Variants in CDK5RAP2 observed in about 807,000 individuals in gnomAD.
The protein encoded by CDK5RAP2 is CDK5 regulatory subunit associated protein 2, also known as CDK5 regulatory subunit-associated protein 2.
Under a neutral mutation model 232.9 loss-of-function variants are expected in CDK5RAP2, and 147 were observed. That is an observed-to-expected ratio of 0.63 (90% CI 0.55 to 0.72). The LOEUF is 0.72. Among genes scored for constraint, CDK5RAP2 ranks in the 30% least tolerant of loss-of-function variants. The pLI is 0.00. For missense variants in CDK5RAP2, 2,195 were observed against 2,231.5 expected, an observed-to-expected ratio of 0.98 and a Z score of 0.33; for synonymous variants, 833 against 833.7, an observed-to-expected ratio of 1.00 and a Z score of 0.01.
chr9:120,489,876 C>T lies in CDK5RAP2; in HGVS notation c.1482+1431G>A, dbSNP rs113353218. 2.4e-3 allele frequency among the ~76,000 whole-genome samples: 361 copies of T among 150,826 alleles called. 3 individuals are homozygous for T. The highest frequency in any genetic ancestry group is 7.8e-3 in the African/African-American group (318 of 40,930). ...AAGCTGGAGTGCAGTGGCACAATCTCGGCTCACCGCAACCTCTGCCTCCCG... is the reference window on the plus strand; with the variant it reads ...AAGCTGGAGTGCAGTGGCACAATCTTGGCTCACCGCAACCTCTGCCTCCCG... On this transcript the variant is annotated intron_variant, in intron 13 of 37. Coordinates refer to ENST00000349780, the MANE Select transcript of CDK5RAP2 (RefSeq NM_018249.6).
At chr9:120,545,435 G>C (rs571562419) in intron 5 of CDK5RAP2, among the ~76,000 whole-genome samples, 1 of 152,184 alleles carries the variant, frequency 6.6e-6, no homozygotes, top group Non-Finnish European at 1.5e-5. Flanking sequence ...GGGCTTCTGG[G>C]GGGCTGGCAT....
intron 9 of CDK5RAP2, among the ~76,000 whole-genome samples, chr9:120,528,413 C>T (rs2041001426): frequency 1.3e-5 from 2 of 152,200 alleles, no homozygotes; most frequent in Non-Finnish European, 2.9e-5. Flanking sequence ...GCAGGCACCA[C>T]ACAAATGCCT....
intron 3 of CDK5RAP2, 119 bp from the exon 4 acceptor site, chr9:120,551,021 C>T (rs1005217007): frequency 1.4e-5 from 10 of 705,120 alleles, no homozygotes; most frequent in Non-Finnish European, 2.3e-5. Context: ...ATGTTAAATA[C>T]TAGAGAAAGC....
At chr9:120,404,421 C>T (rs1390530688) in intron 32 of CDK5RAP2, among the ~76,000 whole-genome samples, 1 of 152,194 alleles carries the variant, frequency 6.6e-6, no homozygotes, top group Non-Finnish European at 1.5e-5. Context: ...AGGGGCACTA[C>T]CCCCAACTTG....
Position 120,467,866 on chromosome 9 carries a change from T to C in CDK5RAP2, c.2100A>G (p.Gln700=). Residue 700 remains glutamine, a synonymous_variant, in exon 18 of 38, where the codon CAA becomes CAG. Transcript: ENST00000349780. ...GFPDRLASTE[Q]TELLASKEDE... ...CAACAAAAATGTTTCTTACCTCTGTTTGTTCTGTAGACGCAAGTCTATCTG... is the reference window on the plus strand; with the variant it reads ...CAACAAAAATGTTTCTTACCTCTGTCTGTTCTGTAGACGCAAGTCTATCTG... 6.2e-7 allele frequency: 1 copy of C among 1,614,182 alleles called. No individual in the cohort carries two copies. The highest frequency in any genetic ancestry group is 8.5e-7 in the Non-Finnish European group (1 of 1,180,008).
intron 12 of CDK5RAP2, among the ~76,000 whole-genome samples, chr9:120,499,506 G>A (rs557564130): frequency 3.9e-5 from 6 of 152,150 alleles, no homozygotes; most frequent in Non-Finnish European, 7.4e-5. Flanking sequence ...ACACTAAGCA[G>A]ACACTACATT....
chr9:120,450,332 C>G (rs1447153951), intron 21 of CDK5RAP2, among the ~76,000 whole-genome samples: 1 of 152,060 alleles, frequency 6.6e-6, no homozygotes, highest in Non-Finnish European at 1.5e-5. Flanking sequence ...AAAGTAGATT[C>G]GTGGTTGCCT....
chr9:120,475,959 G>A (rs1446881780), intron 15 of CDK5RAP2, among the ~76,000 whole-genome samples: 2 of 152,150 alleles, frequency 1.3e-5, no homozygotes, highest in Non-Finnish European at 2.9e-5. Context: ...ACACAGAGAG[G>A]CAACTGTTTT....
At chr9:120,547,009 G>A (rs1262753065) in intron 4 of CDK5RAP2, among the ~76,000 whole-genome samples, 1 of 149,466 alleles carries the variant, frequency 6.7e-6, no homozygotes, top group Non-Finnish European at 1.5e-5. Flanking sequence ...TTTTTGAGAT[G>A]AAATCTTGCT....
intron 6 of CDK5RAP2, 106 bp from the exon 7 acceptor site, chr9:120,536,632 C>T (rs776992444): frequency 7.8e-5 from 84 of 1,071,204 alleles, no homozygotes; most frequent in Admixed American, 2.6e-4. Flanking sequence ...TTCTCCAGCA[C>T]ATTTCCCCTC....
At chr9:120,500,016 G>C (rs771188056) in intron 12 of CDK5RAP2, among the ~76,000 whole-genome samples, 1 of 152,118 alleles carries the variant, frequency 6.6e-6, no homozygotes, top group Admixed American at 6.5e-5. Flanking sequence ...AAAGTTTTTT[G>C]TTTTGTTTCA....
rs2040474683 is a variant in CDK5RAP2 at position 120,518,640 on chromosome 9, A to G, written c.1098T>C (p.Ser366=). 1.9e-6 allele frequency: 3 copies of G among 1,613,370 alleles called. No individual in the cohort carries two copies. Among genetic ancestry groups the G allele is most frequent in the Non-Finnish European group, 1.7e-6 (2 of 1,179,606 alleles). The change falls in exon 12 of 38, where the codon TCT becomes TCC. Residue 366 remains serine (S), a synonymous_variant. Coordinates refer to ENST00000349780, the MANE Select transcript of CDK5RAP2 (RefSeq NM_018249.6). ...CTGATAGAGCAGTCTCATAGTCTTCAGACCCCTAGAAGAGAAGGCAGAGAA... is the reference window on the plus strand; with the variant it reads ...CTGATAGAGCAGTCTCATAGTCTTCGGACCCCTAGAAGAGAAGGCAGAGAA... ...QKAQTQEFQG[S]EDYETALSGK...
chr9:120,474,418 G>A (rs1028222228), intron 15 of CDK5RAP2, among the ~76,000 whole-genome samples: 9 of 152,208 alleles, frequency 5.9e-5, no homozygotes, highest in South Asian at 2.1e-4. Context: ...CAGGTGTGCC[G>A]ACCCTCCCAT....
intron 25 of CDK5RAP2, among the ~76,000 whole-genome samples, chr9:120,435,675 G>T (rs2131466345): frequency 6.6e-6 from 1 of 152,184 alleles, no homozygotes; most frequent in Non-Finnish European, 1.5e-5. Context: ...TTTTGTCCCA[G>T]AAAGTAAGGA....
intron 12 of CDK5RAP2, among the ~76,000 whole-genome samples, chr9:120,518,210 T>TGTGTGTGTGAGA (rs1554770753): frequency 2.3e-5 from 1 of 43,916 alleles, no homozygotes; most frequent in Non-Finnish European, 4.9e-5. Flanking sequence ...TGTGTGTGTG[T>TGTGTGTGTGAGA]GAGAGAGAGA....
intron 1 of CDK5RAP2, among the ~76,000 whole-genome samples, chr9:120,578,373 G>T (rs1035005366): frequency 1.3e-5 from 2 of 152,180 alleles, no homozygotes; most frequent in African/African-American, 4.8e-5. Context: ...TATTGGGGCA[G>T]TGGATGTAAA....
At chr9:120,481,358 A>G (rs150518917) in intron 14 of CDK5RAP2, among the ~76,000 whole-genome samples, 82 of 152,354 alleles carry the variant, frequency 5.4e-4, no homozygotes, top group African/African-American at 1.9e-3. Context: ...CAAATAAAAT[A>G]AGAAAAGCCA....
intron 23 of CDK5RAP2, among the ~76,000 whole-genome samples, chr9:120,441,320 C>T (rs1196761032): frequency 1.3e-5 from 2 of 152,104 alleles, no homozygotes; most frequent in Non-Finnish European, 2.9e-5. Flanking sequence ...GTTACTTGAC[C>T]TCTCTGAGCT....
intron 28 of CDK5RAP2, among the ~76,000 whole-genome samples, chr9:120,412,659 GA>G (rs1451606570): frequency 6.6e-6 from 1 of 152,156 alleles, no homozygotes; most frequent in African/African-American, 2.4e-5. Flanking sequence ...TGTTACATGA[GA>G]AAACACAAAT....
Sources: gnomAD v4.1 joint callset for allele counts (sites outside exome capture counted in the v4.1 genomes callset) on GRCh38, gnomAD v4.1.1 for gene constraint, MANE v1.5 for transcripts, NCBI Gene and HGNC (gene_info 2026-07-23, HGNC 2026-07-21) for gene names.